The following DIP2C variants were observed in gnomAD, a reference collection of about 807,000 sequenced individuals.
DIP2C encodes the protein disco-interacting protein 2 homolog C.
DIP2C carries 33 observed loss-of-function variants against 192.4 expected under a neutral mutation model. That is an observed-to-expected ratio of 0.17 (90% CI 0.13 to 0.23). The LOEUF (loss-of-function observed/expected upper bound fraction) is 0.23. Ranked by LOEUF, DIP2C falls within the 10% of genes least tolerant of loss-of-function variation. The probability of loss-of-function intolerance (pLI) is 1.00; values close to 1 mark genes in which losing one functional copy is unlikely to be tolerated. For synonymous variants in DIP2C, 979 were observed against 864.1 expected, an observed-to-expected ratio of 1.13 and a Z score of -2.33; for missense variants, 1,537 against 2,110.1, an observed-to-expected ratio of 0.73 and a Z score of 5.32.
chr10:388,088 C>G (rs1312690753), intron 13 of DIP2C, among the ~76,000 whole-genome samples: 1 of 151,974 alleles, frequency 6.6e-6, no homozygotes, highest in African/African-American at 2.4e-5. Flanking sequence ...ATATATTTCC[C>G]CCTCTCTGCC....
At position 417,747 on chromosome 10, in the gene DIP2C, C is replaced by T. The variant is rs868646296; in HGVS notation, c.739+1318G>A. ...CTGTCTGCCTGCGCCTGTCAGGGCT[C>T]GGATAGGCATCCCTGTCCACCTGCA... is the stretch of plus-strand genomic sequence containing the variant. On this transcript the variant is annotated intron_variant, in intron 6 of 36. Transcript: ENST00000280886. 4.9e-3 allele frequency among the ~76,000 whole-genome samples: 563 copies of T among 115,244 alleles called. 76 individuals are homozygous for T. The highest frequency in any genetic ancestry group is 9.7e-3 in the African/African-American group (250 of 25,784). 75.6% of individuals were successfully genotyped at this position (115,244 alleles called of 152,430 possible).
intron 32 of DIP2C, among the ~76,000 whole-genome samples, chr10:309,349 CT>C (rs757799597): frequency 4.6e-5 from 7 of 152,236 alleles, no homozygotes; most frequent in South Asian, 2.1e-4. Context: ...AACCTGACCC[CT>C]AACCCCTATT....
intron 2 of DIP2C, among the ~76,000 whole-genome samples, chr10:482,801 C>G (rs1291419385): frequency 6.6e-6 from 1 of 152,174 alleles, no homozygotes; most frequent in East Asian, 1.9e-4. Context: ...AAGAGGCTGC[C>G]AGGCAGTGGA....
Position 277,044 on chromosome 10 carries a change from AAAAG to A in DIP2C, c.*277_*280del, listed in dbSNP as rs1280671641. 39 of 308,048 alleles carry A rather than the reference AAAAG, an allele frequency of 1.3e-4. No individual in the cohort carries two copies. Among genetic ancestry groups the A allele is most frequent in the Admixed American group, 2.5e-4 (4 of 16,110 alleles). 19.1% of individuals were successfully genotyped at this position (308,048 alleles called of 1,614,324 possible). On this transcript the variant is annotated 3_prime_UTR_variant, in exon 37 of 37. Coordinates refer to ENST00000280886, the MANE Select transcript of DIP2C (RefSeq NM_014974.3). ...AAAGCACTTATTATCCAATAATTAA[AAAAG>A]AAAGAAAAGAAAAGAAAGTTTTGAA...
At chr10:468,867 T>A (rs1260512828) in intron 3 of DIP2C, among the ~76,000 whole-genome samples, 2 of 152,240 alleles carry the variant, frequency 1.3e-5, no homozygotes, top group Non-Finnish European at 2.9e-5. Flanking sequence ...CTCAAATAAA[T>A]GACACTTCAA....
In DIP2C at chr10:363,577, C is replaced by A. The variant is rs1959801233; in HGVS notation, c.2478-266G>T. On this transcript the variant is annotated intron_variant, in intron 20 of 36. Coordinates refer to ENST00000280886, the MANE Select transcript of DIP2C (RefSeq NM_014974.3). The surrounding 1 kb of genome is among the most constrained non-coding windows in gnomAD (Gnocchi z 5.4). ...CGCGGGCTCTGGTGACCAGGTTGCG[C>A]CTTTCGGTACAGAGGGGCAAATGCG... 6.6e-6 allele frequency among the ~76,000 whole-genome samples: 1 copy of A among 152,186 alleles called. No individual in the cohort carries two copies. Among genetic ancestry groups the A allele is most frequent in the Non-Finnish European group, 1.5e-5 (1 of 68,046 alleles).
intron 32 of DIP2C, among the ~76,000 whole-genome samples, chr10:288,866 C>T (rs908815069): frequency 4.6e-5 from 7 of 152,182 alleles, no homozygotes; most frequent in African/African-American, 2.4e-5. Flanking sequence ...GCGCGTGCAT[C>T]GCAGCCACAG....
chr10:324,073 C>A (rs368776773), intron 31 of DIP2C, among the ~76,000 whole-genome samples: 4 of 152,190 alleles, frequency 2.6e-5, no homozygotes, highest in Non-Finnish European at 5.9e-5. Flanking sequence ...CTGAAGCGTT[C>A]CTGACTGCCC....
intron 29 of DIP2C, among the ~76,000 whole-genome samples, chr10:330,403 A>G (rs563027570): frequency 3.3e-5 from 5 of 152,332 alleles, no homozygotes; most frequent in South Asian, 2.1e-4. Context: ...ACTTGTCAAA[A>G]CTACATTTTT....
intron 34 of DIP2C, among the ~76,000 whole-genome samples, chr10:285,208 G>C (rs1384933032): frequency 6.6e-6 from 1 of 151,518 alleles, no homozygotes; most frequent in Non-Finnish European, 1.5e-5. Flanking sequence ...TGGGACGTGA[G>C]AACTGGGGAG....
At chr10:292,892 C>G (rs991728531) in intron 32 of DIP2C, among the ~76,000 whole-genome samples, 12 of 152,246 alleles carry the variant, frequency 7.9e-5, no homozygotes, top group African/African-American at 2.4e-4. Context: ...ATGAGCACAG[C>G]TGCCCTCTGC....
chr10:455,329 C>A (rs552286832), intron 3 of DIP2C, among the ~76,000 whole-genome samples: 2 of 140,820 alleles, frequency 1.4e-5, no homozygotes, highest in Non-Finnish European at 1.6e-5. Flanking sequence ...GAGGGGAGAC[C>A]GTGAGGAATA....
At chr10:292,606 G>A (rs946327376) in intron 32 of DIP2C, among the ~76,000 whole-genome samples, 4 of 152,214 alleles carry the variant, frequency 2.6e-5, no homozygotes, top group Non-Finnish European at 4.4e-5. Flanking sequence ...TGATGGCGCC[G>A]TGCAACCGAG....
rs1042938076 is a variant in DIP2C, at chr10:611,650, C to G, written c.85+77844G>C. ...TCCCTTGCTCTGAACAATTAAACATCTTAAGCTTCCTTTTTTTCCATCTTC... is the reference window on the plus strand; with the variant it reads ...TCCCTTGCTCTGAACAATTAAACATGTTAAGCTTCCTTTTTTTCCATCTTC... On this transcript the variant is annotated intron_variant, in intron 1 of 36. Transcript: ENST00000280886. 4.6e-5 allele frequency among the ~76,000 whole-genome samples: 7 copies of G among 152,180 alleles called. 1 individual carries two copies. Among genetic ancestry groups the G allele is most frequent in the Admixed American group, 2.6e-4 (4 of 15,274 alleles).
At chr10:418,378 C>T (rs937994670) in intron 6 of DIP2C, among the ~76,000 whole-genome samples, 10 of 150,430 alleles carry the variant, frequency 6.6e-5, no homozygotes, top group Non-Finnish European at 1.2e-4. Flanking sequence ...TCCCGTGCAC[C>T]GCAAGATGAC....
intron 32 of DIP2C, among the ~76,000 whole-genome samples, chr10:290,971 G>A (rs547444116): frequency 6.6e-6 from 1 of 152,340 alleles, no homozygotes; most frequent in African/African-American, 2.4e-5. Flanking sequence ...AGGAAACAAG[G>A]CTCTGGAGTT....
intron 4 of DIP2C, among the ~76,000 whole-genome samples, chr10:433,431 C>T (rs182627106): frequency 1.8e-4 from 27 of 152,194 alleles, no homozygotes; most frequent in African/African-American, 6.3e-4. Context: ...AATCCCAGCA[C>T]TTTAGGAGGC....
In DIP2C at chr10:472,900, G is replaced by T. The variant is rs371916199; in HGVS notation, c.158-351C>A. 2.6e-4 allele frequency among the ~76,000 whole-genome samples: 39 copies of T among 152,300 alleles called. 1 individual carries two copies. The East Asian group carries it at 6.4e-3, about 25-fold the overall frequency. ...TAGACTCAAGTTATGACCTTTTAAT[G>T]TAATAAATATACAGAATGAGCTGTA... is the stretch of plus-strand genomic sequence containing the variant. On this transcript the variant is annotated intron_variant, in intron 2 of 36. Coordinates refer to ENST00000280886, the MANE Select transcript of DIP2C (RefSeq NM_014974.3).
At chr10:312,469 G>A (rs574703927) in intron 31 of DIP2C, among the ~76,000 whole-genome samples, 6 of 152,194 alleles carry the variant, frequency 3.9e-5, no homozygotes, top group African/African-American at 1.4e-4. Context: ...ACCCCATGAC[G>A]GCAACAGGCA....
Sources: gnomAD v4.1 joint callset for allele counts (sites outside exome capture counted in the v4.1 genomes callset) on GRCh38, gnomAD v4.1.1 for gene constraint, Gnocchi (gnomAD v3.1) non-coding constraint, MANE v1.5 for transcripts, NCBI Gene and HGNC (gene_info 2026-07-23, HGNC 2026-07-21) for gene names.